AGBL4: variants seen among roughly 807,000 people sequenced by gnomAD.
AGBL4 encodes AGBL carboxypeptidase 4, also known as cytosolic carboxypeptidase 6.
AGBL4 carries 58 observed loss-of-function variants against 66.4 expected under a neutral mutation model. That is an observed-to-expected ratio of 0.87 (90% CI 0.71 to 1.09). The LOEUF (loss-of-function observed/expected upper bound fraction) is 1.09, where lower values mean the gene tolerates loss of function less well. Among genes scored for constraint, AGBL4 ranks in the 50% least tolerant of loss-of-function variants. AGBL4 has a pLI of 0.00. For synonymous variants in AGBL4, 234 were observed against 222.9 expected (o/e 1.05, Z -0.44); for missense variants, 579 against 631.0 (o/e 0.92, Z 0.88).
chr1:49,557,620 G>T (rs1431418628), intron 3 of AGBL4, among the ~76,000 whole-genome samples: 4 of 152,060 alleles, frequency 2.6e-5, no homozygotes, highest in African/African-American at 9.7e-5. Flanking sequence ...TGTTTCCAGT[G>T]GTCTCAACTT....
intron 4 of AGBL4, among the ~76,000 whole-genome samples, chr1:49,198,539 C>T (rs1647415438): frequency 6.6e-6 from 1 of 151,980 alleles, no homozygotes; most frequent in Non-Finnish European, 1.5e-5. Flanking sequence ...GGGGTATCAC[C>T]ATGTTGGCCA....
At chr1:49,546,452 T>C (rs1453637285) in intron 3 of AGBL4, among the ~76,000 whole-genome samples, 2 of 152,124 alleles carry the variant, frequency 1.3e-5, no homozygotes, top group Non-Finnish European at 2.9e-5. Flanking sequence ...TTTGCAACTG[T>C]GAATTTTGTT....
intron 1 of AGBL4, among the ~76,000 whole-genome samples, chr1:49,947,060 A>C (rs1028744379): frequency 6.0e-5 from 9 of 151,016 alleles, no homozygotes; most frequent in African/African-American, 2.2e-4. Context: ...TGAAATGGTA[A>C]TTAAAAAAAA....
intron 9 of AGBL4, among the ~76,000 whole-genome samples, chr1:48,608,580 TGGATGGAC>T (rs1645187825): frequency 6.6e-6 from 1 of 151,994 alleles, no homozygotes; most frequent in Non-Finnish European, 1.5e-5. Flanking sequence ...GATAGATGGA[TGGATGGAC>T]GGATGGATAG....
chr1:48,738,353 T>C (rs953016959), intron 6 of AGBL4, among the ~76,000 whole-genome samples: 1 of 152,238 alleles, frequency 6.6e-6, no homozygotes, highest in African/African-American at 2.4e-5. Flanking sequence ...ACTTCAGTAC[T>C]GCAAATCTGT....
chr1:49,844,971 A>T, intron 2 of AGBL4: 1 of 1,381,298 alleles, frequency 7.2e-7, no homozygotes, highest in Non-Finnish European at 1.0e-6. Flanking sequence ...TACATCAACC[A>T]ATGACTCCTG....
intron 1 of AGBL4, among the ~76,000 whole-genome samples, chr1:50,006,525 C>A (rs1661144650): frequency 1.3e-5 from 2 of 151,768 alleles, no homozygotes; most frequent in Non-Finnish European, 2.9e-5. Context: ...TCCCAAAGGT[C>A]AAGGATAAAG....
chr1:48,837,012 T>G (rs1646691663), intron 6 of AGBL4, among the ~76,000 whole-genome samples: 1 of 148,176 alleles, frequency 6.7e-6, no homozygotes, highest in Admixed American at 6.8e-5. Context: ...TTATATATAG[T>G]AATATTATAT....
Position 49,091,870 on chromosome 1 carries a change from T to A in AGBL4, c.378-46070A>T, listed in dbSNP as rs185003449. Among the ~76,000 whole-genome samples the A allele has an allele frequency of 1.2e-3, 178 of 152,208 alleles. 2 individuals carry two copies. Among genetic ancestry groups the A allele is most frequent in the Non-Finnish European group, 2.0e-3 (133 of 67,998 alleles). ...AGTCATAAAAATGAACAAAATGATG[T>A]CCTTTGCAGCAACATGGATGGAGCT... On this transcript the variant is annotated intron_variant, in intron 4 of 13. Transcript: ENST00000371839.
At chr1:48,721,075 G>A (rs1368525241) in intron 6 of AGBL4, among the ~76,000 whole-genome samples, 6 of 151,832 alleles carry the variant, frequency 4.0e-5, no homozygotes, top group Non-Finnish European at 7.4e-5. Context: ...GGAGCTGGGG[G>A]AAAGTGTAAA....
chr1:48,700,773 T>C (rs531442397), intron 6 of AGBL4, among the ~76,000 whole-genome samples: 1 of 152,258 alleles, frequency 6.6e-6, no homozygotes, highest in South Asian at 2.1e-4. Context: ...CCCAGAAAAG[T>C]CAGCAAGTCT....
chr1:48,665,868 T>G lies in AGBL4; in HGVS notation c.635-2627A>C, dbSNP rs368179564. On this transcript the variant is annotated intron_variant, in intron 6 of 13. Coordinates refer to ENST00000371839, the MANE Select transcript of AGBL4 (RefSeq NM_032785.4). ...ATGATAAATGGCACTAAGGAGGCCC[T>G]TGGTGAAGGCTAACTTTATGGATGT... 3.1e-4 allele frequency among the ~76,000 whole-genome samples: 47 copies of G among 152,316 alleles called. No individual in the cohort carries two copies. In the East Asian group the frequency reaches 6.6e-3, roughly 21 times the overall value.
intron 2 of AGBL4, among the ~76,000 whole-genome samples, chr1:49,835,179 G>T (rs370095939): frequency 3.3e-5 from 5 of 152,072 alleles, no homozygotes; most frequent in Admixed American, 6.5e-5. Flanking sequence ...GGTGTTGAAG[G>T]CTCCCACTAT....
intron 4 of AGBL4, among the ~76,000 whole-genome samples, chr1:49,171,165 A>G (rs1646731474): frequency 6.6e-6 from 1 of 152,230 alleles, no homozygotes; most frequent in Non-Finnish European, 1.5e-5. Flanking sequence ...AGAATCTACC[A>G]TACATATTCT....
chr1:49,538,029 C>A (rs910506363), intron 3 of AGBL4, among the ~76,000 whole-genome samples: 1 of 151,740 alleles, frequency 6.6e-6, no homozygotes, highest in East Asian at 1.9e-4. Context: ...TCTATGGACA[C>A]CTGTATACAG....
rs530525638 is a variant in AGBL4, at chr1:48,629,070, A to AT, written c.951+5422dup. ...GTGTGCTGCAGTCAATTAACTGAGG[A>AT]TTTTAAGGCAAACACTACTTTGTTA... On this transcript the variant is annotated intron_variant, in intron 9 of 13. Transcript: ENST00000371839. Among the ~76,000 whole-genome samples the AT allele has an allele frequency of 1.5e-3, 234 of 152,254 alleles. 3 individuals carry two copies. In the South Asian group the frequency reaches 0.04, roughly 26 times the overall value.
intron 4 of AGBL4, among the ~76,000 whole-genome samples, chr1:49,202,740 A>T (rs1334189594): frequency 1.3e-5 from 2 of 152,184 alleles, no homozygotes; most frequent in Non-Finnish European, 2.9e-5. Flanking sequence ...ACAGCAAAAA[A>T]AGCAAAAATA....
chr1:48,790,201 G>A (rs1199497215), intron 6 of AGBL4, among the ~76,000 whole-genome samples: 1 of 152,064 alleles, frequency 6.6e-6, no homozygotes, highest in East Asian at 1.9e-4. Flanking sequence ...AGATTTACCA[G>A]CACTATTCAT....
At position 49,744,679 on chromosome 1, in the gene AGBL4, C is replaced by A. The variant is rs181438091; in HGVS notation, c.158-47242G>T. ...AGTATAAACCTATTTTTGTTTGTAACTTTTTTCTTCTGATTTAAAAGATAA... is the reference window on the plus strand; with the variant it reads ...AGTATAAACCTATTTTTGTTTGTAAATTTTTTCTTCTGATTTAAAAGATAA... On this transcript the variant is annotated intron_variant, in intron 2 of 13. Coordinates refer to ENST00000371839, the MANE Select transcript of AGBL4 (RefSeq NM_032785.4). Among the ~76,000 whole-genome samples the A allele has an allele frequency of 3.3e-3, 502 of 152,032 alleles. 2 individuals are homozygous for A. The highest frequency in any genetic ancestry group is 5.3e-3 in the Non-Finnish European group (357 of 67,968).
Sources: allele counts gnomAD v4.1 joint callset (sites outside exome capture counted in the v4.1 genomes callset), GRCh38; gene constraint gnomAD v4.1.1; transcripts MANE v1.5; gene names NCBI Gene and HGNC (gene_info 2026-07-23, HGNC 2026-07-21).